The following ALK variants were observed in gnomAD, a reference collection of about 807,000 sequenced individuals.
ALK encodes ALK receptor tyrosine kinase.
ALK carries 74 observed loss-of-function variants against 163.1 expected under a neutral mutation model. That is an observed-to-expected ratio of 0.45 (90% CI 0.38 to 0.55). The LOEUF is 0.55. ALK is among the 20% of genes least tolerant of loss of function. The probability of loss-of-function intolerance (pLI) is 0.00; values close to 1 mark genes in which losing one functional copy is unlikely to be tolerated. For missense variants in ALK, 2,063 were observed against 2,105.3 expected (o/e 0.98, Z 0.39); for synonymous variants, 960 against 843.2 (o/e 1.14, Z -2.40).
intron 5 of ALK, among the ~76,000 whole-genome samples, chr2:29,347,507 G>C (rs1447780622): frequency 6.6e-6 from 1 of 152,188 alleles, no homozygotes; most frequent in East Asian, 1.9e-4. Context: ...CTGCCGTTGA[G>C]ACCTTGGTCT....
chr2:29,532,073 G>T lies in ALK; in HGVS notation c.996C>A (p.Thr332=). 6.2e-7 allele frequency: 1 copy of T among 1,614,028 alleles called. No homozygotes were observed. Among genetic ancestry groups the T allele is most frequent in the South Asian group, 1.1e-5 (1 of 91,052 alleles). Residue 332 remains threonine, a synonymous_variant, in exon 4 of 29, where the codon ACC becomes ACA. Transcript: ENST00000389048. The part of the protein sequence containing the change: ...LLNTSADSKH[T]ILSPWMRSSS... ...TGCTCCTCATCCACGGACTCAGGAT[G>T]GTGTGCTTGGAGTCAGCTGAGGTGT...
At chr2:29,342,452 T>C (rs984649846) in intron 5 of ALK, among the ~76,000 whole-genome samples, 2 of 152,112 alleles carry the variant, frequency 1.3e-5, no homozygotes, top group African/African-American at 2.4e-5. Context: ...GAGGGAGGAA[T>C]AGGGAGCTGT....
At chr2:29,477,550 C>T (rs1024786816) in intron 4 of ALK, among the ~76,000 whole-genome samples, 3 of 152,104 alleles carry the variant, frequency 2.0e-5, no homozygotes, top group African/African-American at 7.2e-5. Flanking sequence ...CTATATGATT[C>T]TTTATAACCC....
intron 4 of ALK, among the ~76,000 whole-genome samples, chr2:29,449,767 G>A (rs980496639): frequency 1.3e-5 from 2 of 152,218 alleles, no homozygotes; most frequent in Admixed American, 1.3e-4. Flanking sequence ...GATTGCCAAA[G>A]GAAATGTTGA....
chr2:29,383,795 T>C lies in ALK; in HGVS notation c.1219A>G (p.Ile407Val). The C allele has an allele frequency of 6.2e-7, 1 of 1,614,160 alleles. No individual in the cohort carries two copies. Among genetic ancestry groups the C allele is most frequent in the Non-Finnish European group, 8.5e-7 (1 of 1,179,988 alleles). ...DNPFRVALEYISSGNRSLSAV... is the reference protein window; with the variant it reads ...DNPFRVALEYVSSGNRSLSAV... ...GACAAGCTGCGGTTTCCACTGGAGA[T>C]GTATTCCAGGGCCACTCGAAATGGG... Residue 407 changes from isoleucine to valine, a missense_variant, in exon 5 of 29, where the codon ATC becomes GTC. Ile to Val is a conservative substitution (Grantham distance 29, BLOSUM62 3). Coordinates refer to ENST00000389048, the MANE Select transcript of ALK (RefSeq NM_004304.5).
intron 4 of ALK, among the ~76,000 whole-genome samples, chr2:29,438,048 C>T (rs1670446764): frequency 6.6e-6 from 1 of 151,248 alleles, no homozygotes; most frequent in African/African-American, 2.4e-5. Context: ...CCAGATTCCA[C>T]CTGACCTTCA....
At chr2:29,782,283 G>C (rs749314716) in intron 1 of ALK, among the ~76,000 whole-genome samples, 12 of 152,138 alleles carry the variant, frequency 7.9e-5, no homozygotes, top group South Asian at 6.2e-4. Flanking sequence ...AGGGTGAAGA[G>C]ACCTGTGGGT....
At chr2:29,226,799 G>A in intron 18 of ALK, 123 bp downstream of exon 18, 1 of 1,230,306 alleles carries the variant, frequency 8.1e-7, no homozygotes, top group Non-Finnish European at 1.2e-6. Flanking sequence ...GTGGCAGGTA[G>A]GGGAGGGACA....
Position 29,532,168 on chromosome 2 carries a change from C to A in ALK, c.953-52G>T, listed in dbSNP as rs1020622410. On this transcript the variant is annotated intron_variant, in intron 3 of 28. Transcript: ENST00000389048. Reference sequence around the variant, plus strand: ...TGCAGATGTGTTCAGGTAAGACCAGCAGTAGCTCTGTGGCAAGACTTAGAG... The same window carrying A: ...TGCAGATGTGTTCAGGTAAGACCAGAAGTAGCTCTGTGGCAAGACTTAGAG... The A allele has an allele frequency of 5.8e-6, 9 of 1,555,142 alleles. No individual in the cohort carries two copies. In the African/African-American group the frequency reaches 8.2e-5, roughly 14 times the overall value.
chr2:29,393,188 C>A (rs1183763064), intron 4 of ALK, among the ~76,000 whole-genome samples: 2 of 152,172 alleles, frequency 1.3e-5, no homozygotes, highest in Non-Finnish European at 2.9e-5. Flanking sequence ...GAACATGATA[C>A]CCAAAAGTAT....
intron 23 of ALK, among the ~76,000 whole-genome samples, chr2:29,217,663 TGGAGCCACTGAGCTACA>T (rs1333697315): frequency 7.2e-5 from 11 of 152,288 alleles, no homozygotes; most frequent in African/African-American, 2.4e-4. Flanking sequence ...CTAAGGTCTG[TGGAGCCACTGAGCTACA>T]GAGCTGGCAG....
chr2:29,413,312 T>C (rs961542404), intron 4 of ALK, among the ~76,000 whole-genome samples: 3 of 152,114 alleles, frequency 2.0e-5, no homozygotes, highest in Admixed American at 1.3e-4. Flanking sequence ...CACTCTAAAA[T>C]AATAATAAAA....
intron 3 of ALK, among the ~76,000 whole-genome samples, chr2:29,576,766 G>A (rs140796326): frequency 1.4e-3 from 208 of 152,080 alleles, no homozygotes; most frequent in South Asian, 5.4e-3. Context: ...ATTCTCATAG[G>A]AGTGCAAACC....
intron 1 of ALK, among the ~76,000 whole-genome samples, chr2:29,815,398 C>T (rs926726217): frequency 1.1e-4 from 17 of 152,034 alleles, no homozygotes; most frequent in African/African-American, 4.8e-5. Flanking sequence ...TGAGTGACCC[C>T]GCTATTCCTG....
rs79349452 is a variant in ALK, at chr2:29,206,898, T to C, written c.3938+273A>G. 0.011 allele frequency among the ~76,000 whole-genome samples: 1,632 copies of C among 152,300 alleles called. 15 individuals are homozygous for C. The highest frequency in any genetic ancestry group is 0.016 in the Non-Finnish European group (1,068 of 68,030). The stretch of plus-strand genomic sequence containing the variant: ...TCCCAGCCAGCAATGGCAGCATCAC[T>C]CTGGGACTTGTTAGAAATGCAAATT... On this transcript the variant is annotated intron_variant, in intron 26 of 28. Coordinates refer to ENST00000389048, the MANE Select transcript of ALK (RefSeq NM_004304.5).
At chr2:29,753,619 T>C (rs1680435454) in intron 1 of ALK, among the ~76,000 whole-genome samples, 1 of 152,184 alleles carries the variant, frequency 6.6e-6, no homozygotes, top group Non-Finnish European at 1.5e-5. Flanking sequence ...AAAAAATCAA[T>C]TGTGTTCTTT....
chr2:29,710,911 T>C (rs566473927), intron 2 of ALK, among the ~76,000 whole-genome samples: 1 of 152,204 alleles, frequency 6.6e-6, no homozygotes, highest in Non-Finnish European at 1.5e-5. Context: ...CCTGGCTGTC[T>C]TGAAGGCATT....
chr2:29,211,545 T>C (rs753439161), intron 24 of ALK, among the ~76,000 whole-genome samples: 3 of 152,194 alleles, frequency 2.0e-5, no homozygotes, highest in Non-Finnish European at 4.4e-5. Context: ...AGATCCAATT[T>C]TTTTAAAAAA....
intron 1 of ALK, 107 bp from the exon 2 acceptor site, chr2:29,717,804 T>C: frequency 2.0e-6 from 3 of 1,484,780 alleles, no homozygotes; most frequent in Admixed American, 3.4e-5. Context: ...TTTCATGACA[T>C]CCATCGGGAA....
Sources: gnomAD v4.1 joint callset for allele counts (sites outside exome capture counted in the v4.1 genomes callset) on GRCh38, gnomAD v4.1.1 for gene constraint, MANE v1.5 for transcripts, NCBI Gene and HGNC (gene_info 2026-07-23, HGNC 2026-07-21) for gene names.